RPS15A: variants seen among roughly 807,000 people sequenced by gnomAD.
RPS15A encodes the protein ribosomal protein S15a.
For synonymous variants in RPS15A, 55 were observed against 58.5 expected (o/e 0.94, Z 0.27); for missense variants, 62 against 163.4 (o/e 0.38, Z 3.38).
At chr16:18,786,092 CA>C (rs1904043754) in intron 3 of RPS15A, 2 of 153,152 alleles carry the variant, frequency 1.3e-5, no homozygotes, top group Non-Finnish European at 2.9e-5. Context: ...TCCAAGAAAC[CA>C]AAAATTGTTT....
rs1205813947 is a variant in RPS15A at position 18,788,748 on chromosome 16, G to A, written c.133+233C>T. ...AAATGAGCTCAGGAGTCCTTTCAAT[G>A]ACTTAGATTCATTTAGCTCCCAAAC... On this transcript the variant is annotated intron_variant, in intron 2 of 4. Transcript: ENST00000322989. 1.1e-5 allele frequency: 5 copies of A among 468,742 alleles called. No homozygotes were observed. In the East Asian group the frequency reaches 1.8e-4, roughly 16 times the overall value. The allele number at this position is 468,742 out of a possible 1,614,324, so 29.0% of individuals were successfully genotyped here.
intron 4 of RPS15A, 21 bp from the exon 5 acceptor site, chr16:18,783,123 G>A: frequency 5.9e-6 from 9 of 1,518,214 alleles, no homozygotes; most frequent in Non-Finnish European, 7.3e-6. Flanking sequence ...GAAAAAGAAA[G>A]TGCTGGTAAG....
In RPS15A at chr16:18,781,330, G is replaced by A. The variant is rs1427121453; in HGVS notation, c.*1679C>T. 4.0e-5 allele frequency: 6 copies of A among 150,334 alleles called. No homozygotes were observed. Among genetic ancestry groups the A allele is most frequent in the South Asian group, 4.2e-4 (2 of 4,712 alleles). 9.3% of individuals were successfully genotyped at this position (150,334 alleles called of 1,614,324 possible). On this transcript the variant is annotated 3_prime_UTR_variant, in exon 5 of 5. Transcript: ENST00000322989. ...ATCCTATTTTATTTTTGAAGTCAGT[G>A]TCCAGAAAGAAACCGACGATTCACT...
Position 18,788,859 on chromosome 16 carries a change from G to C in RPS15A, c.133+122C>G, listed in dbSNP as rs576689198. ...CTATCCCCTCCTCCACAGCCCACAG[G>C]TCAATTGCATTCGTTCTCAGGTATG... On this transcript the variant is annotated intron_variant, in intron 2 of 4. Coordinates refer to ENST00000322989, the MANE Select transcript of RPS15A (RefSeq NM_001019.5). The C allele has an allele frequency of 1.4e-4, 147 of 1,024,052 alleles. No homozygotes were observed. The African/African-American group carries it at 2.1e-3, about 15-fold the overall frequency. 63.4% of individuals were successfully genotyped at this position (1,024,052 alleles called of 1,614,324 possible).
At chr16:18,787,047 TAG>T (rs929302579) in intron 3 of RPS15A, among the ~76,000 whole-genome samples, 9 of 152,188 alleles carry the variant, frequency 5.9e-5, no homozygotes, top group Non-Finnish European at 1.0e-4. Flanking sequence ...CTATTTTTAG[TAG>T]AGACAGGGTT....
rs2030011489 is a variant in RPS15A at position 18,790,309 on chromosome 16, C to G, written c.-71G>C. The stretch of plus-strand genomic sequence containing the variant: ...TGGAGCTCTCAGAGAGTGCTACTCA[C>G]CGGCGCGGAAAGATGGCGGAAAGAG... On this transcript the variant is annotated 5_prime_UTR_variant, in exon 1 of 5. Transcript: ENST00000322989. 1 of 152,136 alleles carries G rather than the reference C, an allele frequency of 6.6e-6. No homozygotes were observed. Among genetic ancestry groups the G allele is most frequent in the African/African-American group, 2.4e-5 (1 of 41,370 alleles). 9.4% of individuals were successfully genotyped at this position (152,136 alleles called of 1,614,324 possible). A position where few individuals can be genotyped will look rare whatever the true frequency, so the allele number is the denominator to read the frequency against.
intron 3 of RPS15A, among the ~76,000 whole-genome samples, chr16:18,787,822 C>G (rs949195644): frequency 1.3e-5 from 2 of 152,234 alleles, no homozygotes; most frequent in East Asian, 1.9e-4. Flanking sequence ...TTGGTTTCAC[C>G]CCCCATCTCT....
rs549736431 is a variant in RPS15A at position 18,782,460 on chromosome 16, T to G, written c.*549A>C. The G allele has an allele frequency of 6.6e-6, 1 of 152,156 alleles. No homozygotes were observed. Among genetic ancestry groups the G allele is most frequent in the Non-Finnish European group, 1.5e-5 (1 of 68,072 alleles). 9.4% of individuals were successfully genotyped at this position (152,156 alleles called of 1,614,324 possible). On this transcript the variant is annotated 3_prime_UTR_variant, in exon 5 of 5. Transcript: ENST00000322989. ...AATATAGGCCAGGTGTAATGGCTCG[T>G]GGCTGTAATCCCAGCACTTCGGGAG...
Position 18,788,054 on chromosome 16 carries a change from C to G in RPS15A, c.213+9G>C. The G allele has an allele frequency of 1.3e-6, 2 of 1,506,422 alleles. No homozygotes were observed. Among genetic ancestry groups the G allele is most frequent in the Middle Eastern group, 1.7e-4 (1 of 5,790 alleles). 93.3% of individuals were successfully genotyped at this position (1,506,422 alleles called of 1,614,324 possible). A position where few individuals can be genotyped will look rare whatever the true frequency, so the allele number is the denominator to read the frequency against. Reference sequence around the variant, plus strand: ...AAAGCTTTGAAATGTGTAGATCACTCGTTCTTACCTTGTTTAGCCTGCCTG... The same window carrying G: ...AAAGCTTTGAAATGTGTAGATCACTGGTTCTTACCTTGTTTAGCCTGCCTG... On this transcript the variant is annotated intron_variant, in intron 3 of 4. Coordinates refer to ENST00000322989, the MANE Select transcript of RPS15A (RefSeq NM_001019.5).
chr16:18,782,879 T>C lies in RPS15A; in HGVS notation c.*130A>G. 1 of 611,814 alleles carries C rather than the reference T, an allele frequency of 1.6e-6. No individual in the cohort carries two copies. The highest frequency in any genetic ancestry group is 2.9e-6 in the Non-Finnish European group (1 of 346,576). The allele number at this position is 611,814 out of a possible 1,614,324, so 37.9% of individuals were successfully genotyped here. A position where few individuals can be genotyped will look rare whatever the true frequency, so the allele number is the denominator to read the frequency against. On this transcript the variant is annotated 3_prime_UTR_variant, in exon 5 of 5. Coordinates refer to ENST00000322989, the MANE Select transcript of RPS15A (RefSeq NM_001019.5). The stretch of plus-strand genomic sequence containing the variant: ...TATTAGTCACTTCAGGGAATCGCAT[T>C]CACCGATAAACGAAGCAACTGCATG...
At chr16:18,786,359 C>T (rs1904050210) in intron 3 of RPS15A, 1 of 158,086 alleles carries the variant, frequency 6.3e-6, no homozygotes, top group South Asian at 1.6e-4. Context: ...GAGACTCCGT[C>T]TCAAAAAACG....
Position 18,782,933 on chromosome 16 carries a change from G to A in RPS15A, c.*76C>T. 2.3e-6 allele frequency: 2 copies of A among 881,618 alleles called. No homozygotes were observed. Among genetic ancestry groups the A allele is most frequent in the Non-Finnish European group, 3.7e-6 (2 of 547,832 alleles). 54.6% of individuals were successfully genotyped at this position (881,618 alleles called of 1,614,324 possible). A position where few individuals can be genotyped will look rare whatever the true frequency, so the allele number is the denominator to read the frequency against. On this transcript the variant is annotated 3_prime_UTR_variant, in exon 5 of 5. Coordinates refer to ENST00000322989, the MANE Select transcript of RPS15A (RefSeq NM_001019.5). ...CCGCAGAAGCTGTGGCTACACTGCT[G>A]TAAAGGCTCAAAACGACCAAGTGGA...
intron 2 of RPS15A, chr16:18,788,574 C>CACCT (rs1203488901): frequency 5.4e-6 from 1 of 185,444 alleles, no homozygotes; most frequent in East Asian, 1.5e-4. Context: ...CTGCAACCTC[C>CACCT]ACCTGCTGGG....
At chr16:18,787,530 C>G (rs1469221061) in intron 3 of RPS15A, among the ~76,000 whole-genome samples, 6 of 152,196 alleles carry the variant, frequency 3.9e-5, no homozygotes, top group Admixed American at 6.5e-5. Flanking sequence ...CACACGCAAT[C>G]ACTTAAACCA....
chr16:18,784,115 C>T (rs979696300), intron 4 of RPS15A: 1 of 179,300 alleles, frequency 5.6e-6, no homozygotes, highest in South Asian at 1.2e-4. Flanking sequence ...CGGTGGCAGG[C>T]GCCTGTATTC....
chr16:18,787,672 T>C (rs1299358499), intron 3 of RPS15A, among the ~76,000 whole-genome samples: 1 of 152,146 alleles, frequency 6.6e-6, no homozygotes, highest in African/African-American at 2.4e-5. Flanking sequence ...TACTCAAAGA[T>C]AAAGATTCCA....
chr16:18,784,556 CT>C (rs915243715), intron 4 of RPS15A, 181 bp downstream of exon 4: 34 of 559,016 alleles, frequency 6.1e-5, no homozygotes, highest in Non-Finnish European at 9.1e-5. Context: ...AACCCTGTCT[CT>C]TTTTAAAGAG....
intron 3 of RPS15A, 53 bp downstream of exon 3, chr16:18,788,010 G>A (rs768180646): frequency 1.3e-5 from 14 of 1,075,460 alleles, no homozygotes; most frequent in African/African-American, 7.8e-5. Flanking sequence ...AACATTTAAC[G>A]CCACAGTAAA....
intron 3 of RPS15A, 47 bp downstream of exon 3, chr16:18,788,016 G>A (rs1440751269): frequency 1.7e-6 from 2 of 1,189,964 alleles, no homozygotes; most frequent in Non-Finnish European, 2.5e-6. Flanking sequence ...TAACGCCACA[G>A]TAAAAAATTC....
Sources: allele counts gnomAD v4.1 joint callset (sites outside exome capture counted in the v4.1 genomes callset), GRCh38; gene constraint gnomAD v4.1.1; transcripts MANE v1.5; gene names NCBI Gene and HGNC (gene_info 2026-07-23, HGNC 2026-07-21).